PDE4D: variants seen among roughly 807,000 people sequenced by gnomAD.
PDE4D encodes phosphodiesterase 4D.
In PDE4D, 24 loss-of-function variants were observed where a neutral mutation model predicts 87.4. The ratio of observed to expected loss-of-function variants is 0.27; its 90% CI spans 0.20 to 0.39. PDE4D has a LOEUF of 0.39. Ranked by LOEUF, PDE4D falls within the 10% of genes least tolerant of loss-of-function variation. The pLI, the probability that PDE4D is intolerant of heterozygous loss-of-function variation, is 1.00. For synonymous variants in PDE4D, 384 were observed against 383.2 expected (o/e 1.00, Z -0.02); for missense variants, 714 against 1,041.0 (o/e 0.69, Z 4.32).
intron 1 of PDE4D, among the ~76,000 whole-genome samples, chr5:59,636,033 A>C (rs1832195120): frequency 6.6e-6 from 1 of 152,248 alleles, no homozygotes; most frequent in African/African-American, 2.4e-5. Context: ...CAACTTCAGC[A>C]AAGTCTCAGG....
At chr5:59,423,382 G>T (rs1243776390) in intron 1 of PDE4D, among the ~76,000 whole-genome samples, 2 of 152,088 alleles carry the variant, frequency 1.3e-5, no homozygotes, top group Non-Finnish European at 2.9e-5. Flanking sequence ...TCCCTGTCAG[G>T]ATTTCACACT....
chr5:59,777,822 AT>A (rs888412428), intron 1 of PDE4D, among the ~76,000 whole-genome samples: 2 of 152,042 alleles, frequency 1.3e-5, no homozygotes, highest in Non-Finnish European at 2.9e-5. Context: ...ATCATAAACC[AT>A]TTTTTTCAAA....
intron 1 of PDE4D, chr5:59,276,239 A>G (rs1170671787): frequency 7.7e-6 from 4 of 517,438 alleles, no homozygotes; most frequent in Non-Finnish European, 9.9e-6. Context: ...AAACCGGCCA[A>G]GCAGACAAGA....
At chr5:60,030,562 A>G (rs1007307159) in intron 2 of PDE4D, among the ~76,000 whole-genome samples, 1 of 152,224 alleles carries the variant, frequency 6.6e-6, no homozygotes, top group Admixed American at 6.5e-5. Flanking sequence ...TCATTCCTAC[A>G]CTCAGATTTC....
At chr5:59,624,577 T>C (rs1156294616) in intron 1 of PDE4D, among the ~76,000 whole-genome samples, 2 of 152,350 alleles carry the variant, frequency 1.3e-5, no homozygotes, top group East Asian at 3.9e-4. Flanking sequence ...TGGATGAGAA[T>C]GTCTGAGCAG....
chr5:59,905,123 C>T (rs1752679996), intron 3 of PDE4D, among the ~76,000 whole-genome samples: 1 of 152,116 alleles, frequency 6.6e-6, no homozygotes, highest in African/African-American at 2.4e-5. Context: ...CAGCATGACA[C>T]TATCATTTAA....
At chr5:60,130,457 C>A (rs1441045853) in intron 2 of PDE4D, among the ~76,000 whole-genome samples, 1 of 152,124 alleles carries the variant, frequency 6.6e-6, no homozygotes, top group East Asian at 1.9e-4. Flanking sequence ...CCTTGACAGT[C>A]TTTGTAGATG....
chr5:60,045,176 T>A (rs1018378133), intron 2 of PDE4D, among the ~76,000 whole-genome samples: 1 of 151,914 alleles, frequency 6.6e-6, no homozygotes, highest in Non-Finnish European at 1.5e-5. Flanking sequence ...TTGAGAAGTG[T>A]CTGTTCATGT....
intron 1 of PDE4D, among the ~76,000 whole-genome samples, chr5:59,569,205 A>G (rs913790434): frequency 6.6e-6 from 1 of 152,168 alleles, no homozygotes; most frequent in Non-Finnish European, 1.5e-5. Flanking sequence ...TCCATTTTCT[A>G]TGTCTACATT....
Position 59,596,336 on chromosome 5 carries a change from C to CA in PDE4D, c.455+296831dup, listed in dbSNP as rs961666957. Among the ~76,000 whole-genome samples, 968 of 135,408 alleles carry CA rather than the reference C, an allele frequency of 7.1e-3. 5 individuals carry two copies. The highest frequency in any genetic ancestry group is 9.3e-3 in the Non-Finnish European group (580 of 62,038). The allele number at this position is 135,408 out of a possible 152,430, so 88.8% of individuals were successfully genotyped here. On this transcript the variant is annotated intron_variant, in intron 1 of 14. Coordinates refer to ENST00000340635, the MANE Select transcript of PDE4D (RefSeq NM_001104631.2). ...CCATGCAAGTTCAACACGAGAAATACAAAAAAAAAAAGAAACACACAAGGA... is the reference window on the plus strand; with the variant it reads ...CCATGCAAGTTCAACACGAGAAATACAAAAAAAAAAAAGAAACACACAAGGA...
chr5:60,372,321 A>C (rs1389086760), intron 1 of PDE4D, among the ~76,000 whole-genome samples: 2 of 152,184 alleles, frequency 1.3e-5, no homozygotes, highest in Non-Finnish European at 2.9e-5. Context: ...ACCTGCAAGG[A>C]ATGCTGAGGA....
intron 3 of PDE4D, among the ~76,000 whole-genome samples, chr5:59,920,453 T>C (rs1460737553): frequency 6.6e-6 from 1 of 152,240 alleles, no homozygotes; most frequent in Admixed American, 6.5e-5. Context: ...TGGTATTTTA[T>C]ATTTGCAGCT....
intron 1 of PDE4D, among the ~76,000 whole-genome samples, chr5:59,244,666 GTATGTGTGTGTGTC>G (rs1407068190): frequency 2.4e-4 from 29 of 123,102 alleles, no homozygotes; most frequent in Non-Finnish European, 3.6e-4. Context: ...ATATATGTAT[GTATGTGTGTGTGTC>G]TGTGTGTGTG....
intron 5 of PDE4D, among the ~76,000 whole-genome samples, chr5:59,048,091 G>T (rs934184552): frequency 6.6e-6 from 1 of 152,188 alleles, no homozygotes; most frequent in African/African-American, 2.4e-5. Context: ...ATACCCACAG[G>T]TTTGCGCTAA....
chr5:60,139,822 C>A (rs1351276673), intron 2 of PDE4D, among the ~76,000 whole-genome samples: 1 of 151,894 alleles, frequency 6.6e-6, no homozygotes, highest in Non-Finnish European at 1.5e-5. Flanking sequence ...ATGCAAGAAT[C>A]CACATTGAAA....
At chr5:59,984,419 G>T (rs576898966) in intron 3 of PDE4D, among the ~76,000 whole-genome samples, 36 of 152,306 alleles carry the variant, frequency 2.4e-4, no homozygotes, top group African/African-American at 8.2e-4. Flanking sequence ...ACTGGCAGAT[G>T]AATTCAGGGT....
chr5:59,919,829 C>T (rs1754473982), intron 3 of PDE4D, among the ~76,000 whole-genome samples: 1 of 152,078 alleles, frequency 6.6e-6, no homozygotes, highest in Non-Finnish European at 1.5e-5. Context: ...TCTCAAATGT[C>T]CAAGGAATAA....
chr5:60,510,142 CAA>C (rs1561323780), intron 1 of PDE4D, among the ~76,000 whole-genome samples: 2 of 152,002 alleles, frequency 1.3e-5, no homozygotes, highest in Non-Finnish European at 2.9e-5. Context: ...ACCAGGGAAT[CAA>C]AAAAGAGTGG....
intron 1 of PDE4D, among the ~76,000 whole-genome samples, chr5:59,379,439 G>T (rs1376441019): frequency 2.0e-5 from 3 of 151,584 alleles, no homozygotes; most frequent in Non-Finnish European, 4.4e-5. Flanking sequence ...CATCTATACC[G>T]AGAGGCAACT....
Sources: allele counts gnomAD v4.1 joint callset (sites outside exome capture counted in the v4.1 genomes callset), GRCh38; gene constraint gnomAD v4.1.1; transcripts MANE v1.5; gene names NCBI Gene and HGNC (gene_info 2026-07-23, HGNC 2026-07-21).